ERI1: variants seen among roughly 807,000 people sequenced by gnomAD.
The protein encoded by ERI1 is exoribonuclease 1.
A neutral mutation model predicts 39.7 loss-of-function variants in ERI1; 39 were observed. That is an observed-to-expected ratio of 0.98 (90% CI 0.76 to 1.28). The LOEUF is 1.28. ERI1 is among the 50% of genes most tolerant of loss of function. The probability of loss-of-function intolerance (pLI) is 0.00; values close to 1 mark genes in which losing one functional copy is unlikely to be tolerated. For missense variants in ERI1, 581 were observed against 416.9 expected (o/e 1.39, Z -3.43); for synonymous variants, 204 against 149.6 (o/e 1.36, Z -2.65).
chr8:9,042,022 C>G (rs1487081820), intron 3 of ERI1, among the ~76,000 whole-genome samples: 1 of 152,182 alleles, frequency 6.6e-6, no homozygotes, highest in Admixed American at 6.5e-5. Flanking sequence ...GCATGAGCCA[C>G]CGCACCCAGC....
At position 9,067,381 on chromosome 8, in the gene ERI1, CATGT is replaced by C. The variant is rs771113172; in HGVS notation, n.299+46918_299+46921del. On this transcript the variant is annotated intron_variant and non_coding_transcript_variant, in intron 3 of 3. Coordinates refer to the ERI1 transcript ENST00000518663. The stretch of plus-strand genomic sequence containing the variant: ...TGGGATTTCATTTTTAACCTGTGTG[CATGT>C]GTGTGTGTGTGTGTGTGTGTGTGTG... 8.3e-3 allele frequency among the ~76,000 whole-genome samples: 575 copies of C among 69,082 alleles called. 4 individuals are homozygous for C. The highest frequency in any genetic ancestry group is 0.015 in the African/African-American group (275 of 18,188). The allele number at this position is 69,082 out of a possible 152,430, so 45.3% of individuals were successfully genotyped here. A position where few individuals can be genotyped will look rare whatever the true frequency, so the allele number is the denominator to read the frequency against.
chr8:9,004,283 G>A, intron 1 of ERI1: 1 of 1,165,156 alleles, frequency 8.6e-7, no homozygotes, highest in Non-Finnish European at 1.1e-6. Flanking sequence ...GAGATACGTT[G>A]TCAATCTCAT....
chr8:9,076,791 G>C (rs1585287988), intron 3 of ERI1, among the ~76,000 whole-genome samples: 1 of 152,232 alleles, frequency 6.6e-6, no homozygotes, highest in East Asian at 1.9e-4. Context: ...AGAATCTTTA[G>C]GGGGAAGCGG....
chr8:9,088,887 G>C (rs535464842), intron 3 of ERI1, among the ~76,000 whole-genome samples: 48 of 152,330 alleles, frequency 3.2e-4, no homozygotes, highest in African/African-American at 1.2e-3. Flanking sequence ...CCCTGACCAG[G>C]TCATGCGGGT....
At chr8:9,088,596 T>C (rs1035013018) in intron 3 of ERI1, 12 of 152,296 alleles carry the variant, frequency 7.9e-5, no homozygotes, top group African/African-American at 2.9e-4. Flanking sequence ...GTGTTGCCCA[T>C]CCACCCATTT....
chr8:9,030,951 GT>G lies in ERI1; in HGVS notation c.*919del, dbSNP rs763698171. On this transcript the variant is annotated 3_prime_UTR_variant, in exon 7 of 7. Transcript: ENST00000250263. ...AAAAACTTCATTGGCCACTAGTGAA[GT>G]TAGTCAATAAAAGACTTGTTTTTCT... 2.0e-5 allele frequency: 3 copies of G among 152,134 alleles called. No homozygotes were observed. Among genetic ancestry groups the G allele is most frequent in the Non-Finnish European group, 4.4e-5 (3 of 68,004 alleles). The allele number at this position is 152,134 out of a possible 1,614,324, so 9.4% of individuals were successfully genotyped here. A position where few individuals can be genotyped will look rare whatever the true frequency, so the allele number is the denominator to read the frequency against.
At chr8:9,075,865 TG>T (rs1799194338) in intron 3 of ERI1, among the ~76,000 whole-genome samples, 4 of 152,326 alleles carry the variant, frequency 2.6e-5, no homozygotes, top group Admixed American at 2.6e-4. Context: ...TTTGAACTCT[TG>T]GGCTCAAGCC....
At chr8:9,021,438 C>G (rs767593850) in intron 6 of ERI1, among the ~76,000 whole-genome samples, 20 of 152,134 alleles carry the variant, frequency 1.3e-4, no homozygotes, top group Admixed American at 1.3e-4. Context: ...TTTACAGTTT[C>G]ATTTTGGAGA....
chr8:9,029,812 A>C lies in ERI1; in HGVS notation c.828A>C (p.Lys276Asn), dbSNP rs1423941129. The change falls in exon 7 of 7, where the codon AAA becomes AAC. Residue 276 changes from lysine to asparagine, a missense_variant. By Grantham distance (94) the Lys-to-Asn change is moderately conservative. Transcript: ENST00000250263. Reference sequence around the variant, plus strand: ...TTCAGGTTCCTAGAAGCCAAACCAAACTGACAATAATGCTTGAAAAATTAG... The same window carrying C: ...TTCAGGTTCCTAGAAGCCAAACCAACCTGACAATAATGCTTGAAAAATTAG... ...NFYKVPRSQTKLTIMLEKLGM... is the reference protein window; with the variant it reads ...NFYKVPRSQTNLTIMLEKLGM... The C allele has an allele frequency of 1.9e-6, 3 of 1,614,202 alleles. No individual in the cohort carries two copies. The Middle Eastern group carries it at 5.0e-4, about 266-fold the overall frequency.
At chr8:9,092,146 A>G (rs1799727272) in intron 3 of ERI1, among the ~76,000 whole-genome samples, 1 of 152,060 alleles carries the variant, frequency 6.6e-6, no homozygotes, top group African/African-American at 2.4e-5. Flanking sequence ...TTGTAGAGAA[A>G]GGGTTTCGCC....
intron 3 of ERI1, among the ~76,000 whole-genome samples, chr8:9,044,354 C>A (rs149964822): frequency 1.3e-5 from 2 of 152,002 alleles, no homozygotes; most frequent in East Asian, 3.9e-4. Context: ...TTGAAAGAAG[C>A]GAGGTGACTT....
At chr8:9,085,910 A>G (rs993238457) in intron 3 of ERI1, among the ~76,000 whole-genome samples, 7 of 152,124 alleles carry the variant, frequency 4.6e-5, no homozygotes, top group African/African-American at 1.7e-4. Flanking sequence ...CAAATTTAGC[A>G]AACTCTTATA....
intron 1 of ERI1, chr8:9,004,258 C>A (rs1192398714): frequency 8.3e-7 from 1 of 1,197,966 alleles, no homozygotes; most frequent in African/African-American, 1.6e-5. Flanking sequence ...TTCCACCTGC[C>A]TCCCTCTTCA....
chr8:9,059,656 C>G (rs187342691), intron 3 of ERI1, among the ~76,000 whole-genome samples: 1 of 152,280 alleles, frequency 6.6e-6, no homozygotes, highest in African/African-American at 2.4e-5. Flanking sequence ...CCTAGGACAT[C>G]TACCTAGAGA....
intron 6 of ERI1, among the ~76,000 whole-genome samples, chr8:9,028,519 C>CGG (rs776605619): frequency 1.2e-4 from 19 of 152,102 alleles, no homozygotes; most frequent in Non-Finnish European, 2.1e-4. Flanking sequence ...TCCCATTTTA[C>CGG]GGATGAAGAA....
intron 3 of ERI1, among the ~76,000 whole-genome samples, chr8:9,069,388 A>G (rs1057074663): frequency 2.6e-5 from 4 of 152,242 alleles, no homozygotes; most frequent in East Asian, 1.9e-4. Context: ...TTTTATTCCA[A>G]CAGATTTTTA....
chr8:9,019,711 C>G (rs961932049), intron 5 of ERI1, among the ~76,000 whole-genome samples: 1 of 152,132 alleles, frequency 6.6e-6, no homozygotes, highest in Non-Finnish European at 1.5e-5. Flanking sequence ...ATATAGTTGA[C>G]AGTATTATAA....
intron 3 of ERI1, 129 bp downstream of exon 3, chr8:9,011,881 G>C: frequency 1.6e-6 from 1 of 622,670 alleles, no homozygotes. Context: ...TCTTTGCCAT[G>C]AACTTTATAT....
At chr8:9,070,779 A>G (rs1357785693) in intron 3 of ERI1, among the ~76,000 whole-genome samples, 2 of 152,220 alleles carry the variant, frequency 1.3e-5, no homozygotes, top group Non-Finnish European at 2.9e-5. Context: ...TAAAAATTTA[A>G]AAATAATTTT....
Sources: gnomAD v4.1 joint callset for allele counts (sites outside exome capture counted in the v4.1 genomes callset) on GRCh38, gnomAD v4.1.1 for gene constraint, MANE v1.5 for transcripts, NCBI Gene and HGNC (gene_info 2026-07-23, HGNC 2026-07-21) for gene names.